Variants in ZBTB20 observed in about 807,000 individuals in gnomAD.
The protein encoded by ZBTB20 is zinc finger and BTB domain containing 20, also known as zinc finger and BTB domain-containing protein 20.
In ZBTB20, 9 loss-of-function variants were observed where a neutral mutation model predicts 56.9. That is an observed-to-expected ratio of 0.16 (90% confidence interval 0.10 to 0.28). The LOEUF (loss-of-function observed/expected upper bound fraction) is 0.28. Ranked by LOEUF, ZBTB20 falls within the 10% of genes least tolerant of loss-of-function variation. The pLI is 1.00. For synonymous variants in ZBTB20, 417 were observed against 420.7 expected, an observed-to-expected ratio of 0.99 and a Z score of 0.11; for missense variants, 655 against 1,003.0, an observed-to-expected ratio of 0.65 and a Z score of 4.69.
At chr3:114,445,886 G>T (rs1264809678) in intron 7 of ZBTB20, among the ~76,000 whole-genome samples, 1 of 152,032 alleles carries the variant, frequency 6.6e-6, no homozygotes, top group Non-Finnish European at 1.5e-5. Flanking sequence ...TATTAAATCT[G>T]TTCTATATTG....
In ZBTB20 at chr3:114,427,534, C is replaced by T. The variant is rs189121281; in HGVS notation, c.-254-38429G>A. Among the ~76,000 whole-genome samples, 580 of 152,316 alleles carry T rather than the reference C, an allele frequency of 3.8e-3. 5 individuals carry two copies. The highest frequency in any genetic ancestry group is 0.027 in the Middle Eastern group (8 of 294). ...GATAGAGCTTAATGGATTAATTAAGCCAAAGCAGGACTGCAATGCAGACCG... is the reference window on the plus strand; with the variant it reads ...GATAGAGCTTAATGGATTAATTAAGTCAAAGCAGGACTGCAATGCAGACCG... On this transcript the variant is annotated intron_variant, in intron 7 of 11. Coordinates refer to ENST00000675478, the MANE Select transcript of ZBTB20 (RefSeq NM_001348800.3).
rs573569255 is a variant in ZBTB20, at chr3:114,860,049, C to T, written c.-417+40255G>A. Among the ~76,000 whole-genome samples the T allele has an allele frequency of 3.3e-5, 5 of 152,238 alleles. No individual in the cohort carries two copies. In the South Asian group the frequency reaches 1.0e-3, roughly 32 times the overall value. On this transcript the variant is annotated intron_variant, in intron 4 of 11. Coordinates refer to ENST00000675478, the MANE Select transcript of ZBTB20 (RefSeq NM_001348800.3). ...TACAGCCGGGCGCGGTGGCTCACAC[C>T]TGTAATCCTAGCACTTTGGGAGGCC...
At chr3:114,574,583 T>C (rs1303505569) in intron 6 of ZBTB20, among the ~76,000 whole-genome samples, 1 of 152,216 alleles carries the variant, frequency 6.6e-6, no homozygotes, top group Non-Finnish European at 1.5e-5. Flanking sequence ...ACTGAACATA[T>C]ATCTCAATAT....
intron 4 of ZBTB20, among the ~76,000 whole-genome samples, chr3:114,858,226 G>C (rs1348129376): frequency 6.6e-6 from 1 of 152,150 alleles, no homozygotes; most frequent in Non-Finnish European, 1.5e-5. Context: ...CTTAAACGCA[G>C]TTATATCCCT....
chr3:114,437,813 C>T (rs899548451), intron 7 of ZBTB20, among the ~76,000 whole-genome samples: 1 of 152,074 alleles, frequency 6.6e-6, no homozygotes, highest in African/African-American at 2.4e-5. Flanking sequence ...TCAGGAATGT[C>T]GAACACCCCT....
intron 1 of ZBTB20, among the ~76,000 whole-genome samples, chr3:115,113,584 C>T (rs540733469): frequency 7.2e-5 from 11 of 152,218 alleles, no homozygotes; most frequent in Non-Finnish European, 1.6e-4. Flanking sequence ...CAGAACAATG[C>T]AAGTGCAGAA....
intron 7 of ZBTB20, among the ~76,000 whole-genome samples, chr3:114,413,464 C>T (rs1014710278): frequency 2.6e-5 from 4 of 152,100 alleles, no homozygotes; most frequent in Non-Finnish European, 1.5e-5. Flanking sequence ...AGAAACTAGG[C>T]TATCTGGAGG....
At chr3:115,129,214 A>G (rs2084431107) in intron 1 of ZBTB20, among the ~76,000 whole-genome samples, 1 of 152,238 alleles carries the variant, frequency 6.6e-6, no homozygotes, top group Non-Finnish European at 1.5e-5. Context: ...AATATTTATG[A>G]AAAAAGTAAA....
intron 2 of ZBTB20, among the ~76,000 whole-genome samples, chr3:115,027,745 G>C (rs2080483454): frequency 6.6e-6 from 1 of 150,696 alleles, no homozygotes; most frequent in African/African-American, 2.4e-5. Flanking sequence ...TACTGTTACA[G>C]ATATATACTA....
At chr3:114,551,941 G>A (rs1038701739) in intron 6 of ZBTB20, among the ~76,000 whole-genome samples, 3 of 152,248 alleles carry the variant, frequency 2.0e-5, no homozygotes, top group South Asian at 4.1e-4. Flanking sequence ...ATATAGTGGC[G>A]GCTCACATCT....
intron 6 of ZBTB20, among the ~76,000 whole-genome samples, chr3:114,537,120 A>G (rs2048558104): frequency 6.6e-6 from 1 of 152,190 alleles, no homozygotes; most frequent in Non-Finnish European, 1.5e-5. Context: ...AATGGCAAAA[A>G]ACCCAAAACT....
intron 1 of ZBTB20, among the ~76,000 whole-genome samples, chr3:115,113,648 C>G (rs1269225154): frequency 6.6e-6 from 1 of 152,224 alleles, no homozygotes; most frequent in African/African-American, 2.4e-5. Flanking sequence ...ACAAGCACAA[C>G]AGAATTCAAG....
chr3:115,005,381 T>C (rs1435781164), intron 2 of ZBTB20, among the ~76,000 whole-genome samples: 5 of 151,780 alleles, frequency 3.3e-5, no homozygotes, highest in Non-Finnish European at 7.4e-5. Flanking sequence ...CATTTAAATG[T>C]TTTCCTTTAT....
intron 5 of ZBTB20, among the ~76,000 whole-genome samples, chr3:114,696,307 T>G (rs1227798949): frequency 6.6e-6 from 1 of 152,108 alleles, no homozygotes; most frequent in African/African-American, 2.4e-5. Context: ...AAGTAAAGTA[T>G]GATCTTAAAG....
At chr3:114,399,248 G>GC (rs2086604947) in intron 7 of ZBTB20, among the ~76,000 whole-genome samples, 1 of 152,080 alleles carries the variant, frequency 6.6e-6, no homozygotes, top group African/African-American at 2.4e-5. Flanking sequence ...AAGAGAAAGT[G>GC]CATTTTATTA....
At chr3:114,353,007 G>A (rs1217456219) in intron 10 of ZBTB20, among the ~76,000 whole-genome samples, 2 of 152,314 alleles carry the variant, frequency 1.3e-5, no homozygotes, top group South Asian at 4.1e-4. Context: ...CTATTGATAA[G>A]ATTTGGATTC....
At chr3:115,112,797 C>G (rs1326008591) in intron 1 of ZBTB20, among the ~76,000 whole-genome samples, 2 of 152,062 alleles carry the variant, frequency 1.3e-5, no homozygotes, top group African/African-American at 4.8e-5. Flanking sequence ...ATACTGATTT[C>G]TTTTTGAGGG....
At chr3:115,032,088 T>C (rs375630043) in intron 2 of ZBTB20, among the ~76,000 whole-genome samples, 2 of 151,564 alleles carry the variant, frequency 1.3e-5, no homozygotes. Flanking sequence ...GTAAGGACCA[T>C]GACTTCTTAG....
intron 3 of ZBTB20, among the ~76,000 whole-genome samples, chr3:114,969,591 T>C (rs1468323492): frequency 6.6e-6 from 1 of 152,218 alleles, no homozygotes; most frequent in Non-Finnish European, 1.5e-5. Context: ...ACTACTATTA[T>C]AATAGTGTTA....
Sources: allele counts gnomAD v4.1 joint callset (sites outside exome capture counted in the v4.1 genomes callset), GRCh38; gene constraint gnomAD v4.1.1; transcripts MANE v1.5; gene names NCBI Gene and HGNC (gene_info 2026-07-23, HGNC 2026-07-21).